Variants in INPP4A observed in about 807,000 individuals in gnomAD.
INPP4A encodes the protein inositol polyphosphate-4-phosphatase type I A.
In INPP4A, 33 loss-of-function variants were observed where a neutral mutation model predicts 119.8. The observed-to-expected ratio is 0.28, with a 90% CI of 0.21 to 0.37. The LOEUF (loss-of-function observed/expected upper bound fraction) is 0.37. INPP4A is among the 10% of genes least tolerant of loss of function. INPP4A has a pLI of 1.00. For missense variants in INPP4A, 956 were observed against 1,289.9 expected (o/e 0.74, Z 3.97); for synonymous variants, 496 against 500.7 (o/e 0.99, Z 0.12).
intron 1 of INPP4A, among the ~76,000 whole-genome samples, chr2:98,518,572 A>G (rs1020572957): frequency 1.3e-5 from 2 of 152,206 alleles, no homozygotes; most frequent in Non-Finnish European, 2.9e-5. Flanking sequence ...TTTTCATTGC[A>G]GCCCCATGAG....
intron 24 of INPP4A, chr2:98,581,874 T>C: frequency 7.1e-7 from 1 of 1,417,136 alleles, no homozygotes; most frequent in Admixed American, 3.1e-5. Flanking sequence ...CCAAGAAATA[T>C]TTCATGCCTT....
In INPP4A at chr2:98,546,784, A is replaced by C; in HGVS notation, c.1163+90A>C. On this transcript the variant is annotated intron_variant, in intron 13 of 24. Transcript: ENST00000409851. This position sits in a 1 kb window ranked among gnomAD's most constrained non-coding sequence, Gnocchi z 4.2. Reference sequence around the variant, plus strand: ...AATAAAATCAAAATATGACCGCAAAAACACCCAGCCATCTGATCTGCTTTT... The same window carrying C: ...AATAAAATCAAAATATGACCGCAAACACACCCAGCCATCTGATCTGCTTTT... The C allele has an allele frequency of 1.2e-6, 1 of 823,630 alleles. No homozygotes were observed. Among genetic ancestry groups the C allele is most frequent in the Non-Finnish European group, 2.0e-6 (1 of 490,304 alleles). The allele number at this position is 823,630 out of a possible 1,614,324, so 51.0% of individuals were successfully genotyped here. A position where few individuals can be genotyped will look rare whatever the true frequency, so the allele number is the denominator to read the frequency against.
chr2:98,575,815 A>G (rs1698324260), intron 23 of INPP4A, among the ~76,000 whole-genome samples: 1 of 152,182 alleles, frequency 6.6e-6, no homozygotes, highest in Admixed American at 6.5e-5. Flanking sequence ...CACTTGGATG[A>G]TGTTTCATTA....
chr2:98,549,718 G>A (rs1419554431), intron 13 of INPP4A, among the ~76,000 whole-genome samples: 1 of 152,096 alleles, frequency 6.6e-6, no homozygotes, highest in Admixed American at 6.5e-5. Flanking sequence ...CTCTGCTGGT[G>A]GCATCTGACA....
intron 16 of INPP4A, among the ~76,000 whole-genome samples, 197 bp from the exon 17 acceptor site, chr2:98,559,266 C>T (rs1695030755): frequency 6.6e-6 from 1 of 152,214 alleles, no homozygotes; most frequent in African/African-American, 2.4e-5. Flanking sequence ...ACTGAGAGGG[C>T]TTGGCTGCCT....
intron 1 of INPP4A, among the ~76,000 whole-genome samples, chr2:98,478,565 G>T (rs943661286): frequency 2.6e-5 from 4 of 152,156 alleles, no homozygotes; most frequent in Non-Finnish European, 5.9e-5. Context: ...TTAACTCTGG[G>T]CACTCCCTCC....
At chr2:98,494,353 C>T (rs1420881574) in intron 1 of INPP4A, among the ~76,000 whole-genome samples, 1 of 152,072 alleles carries the variant, frequency 6.6e-6, no homozygotes, top group Non-Finnish European at 1.5e-5. Context: ...CTTTGTCAGT[C>T]CAGCTAGTTT....
chr2:98,544,893 C>T (rs1035038086), intron 11 of INPP4A, among the ~76,000 whole-genome samples: 2 of 152,198 alleles, frequency 1.3e-5, no homozygotes, highest in Admixed American at 6.5e-5. Context: ...GAGTATGTCA[C>T]TAGGAGAAAC....
chr2:98,510,911 CAG>C (rs1253215695), intron 1 of INPP4A, among the ~76,000 whole-genome samples: 1 of 152,202 alleles, frequency 6.6e-6, no homozygotes, highest in Non-Finnish European at 1.5e-5. Context: ...TCATCACTGG[CAG>C]ACAGTAGGGC....
At chr2:98,494,083 CTCCT>C (rs1212739089) in intron 1 of INPP4A, among the ~76,000 whole-genome samples, 1 of 152,230 alleles carries the variant, frequency 6.6e-6, no homozygotes, top group Non-Finnish European at 1.5e-5. Context: ...CCAGAACCTG[CTCCT>C]TCCTTCTCTT....
intron 1 of INPP4A, among the ~76,000 whole-genome samples, chr2:98,480,952 C>T (rs1244502643): frequency 2.6e-5 from 4 of 152,220 alleles, no homozygotes; most frequent in Non-Finnish European, 5.9e-5. Flanking sequence ...GCTGCACGTG[C>T]TCCATTCTCA....
chr2:98,451,981 T>C (rs774972615), intron 1 of INPP4A, among the ~76,000 whole-genome samples: 10 of 152,184 alleles, frequency 6.6e-5, no homozygotes, highest in Admixed American at 3.3e-4. Context: ...CATCAGCATG[T>C]CAGCAGTTTC....
At chr2:98,503,260 T>A (rs922407325) in intron 1 of INPP4A, among the ~76,000 whole-genome samples, 2 of 152,208 alleles carry the variant, frequency 1.3e-5, no homozygotes, top group African/African-American at 4.8e-5. Flanking sequence ...CCAGGACTTT[T>A]GAGATTGGTT....
chr2:98,564,868 A>C (rs1371806575), intron 19 of INPP4A, 105 bp downstream of exon 19: 1 of 1,337,652 alleles, frequency 7.5e-7, no homozygotes, highest in East Asian at 2.5e-5. Flanking sequence ...GCTTATTGAA[A>C]TAAATCCAAA....
chr2:98,536,961 T>A (rs112396652), intron 7 of INPP4A, among the ~76,000 whole-genome samples: 3,397 of 152,252 alleles, frequency 0.022, 140 homozygotes, highest in African/African-American at 0.077. Context: ...GAACCATCTT[T>A]GGTAAAATGA....
intron 1 of INPP4A, among the ~76,000 whole-genome samples, chr2:98,447,750 A>G (rs777230462): frequency 6.6e-6 from 1 of 152,054 alleles, no homozygotes; most frequent in African/African-American, 2.4e-5. Flanking sequence ...TAAATACTTC[A>G]CTGTGTATTT....
In INPP4A at chr2:98,566,508, G is replaced by A. The variant is rs1559090113; in HGVS notation, c.2420+339G>A. Among the ~76,000 whole-genome samples the A allele has an allele frequency of 6.6e-6, 1 of 152,198 alleles. No homozygotes were observed. Among genetic ancestry groups the A allele is most frequent in the Non-Finnish European group, 1.5e-5 (1 of 68,034 alleles). On this transcript the variant is annotated intron_variant, in intron 21 of 24. Coordinates refer to ENST00000409851, the MANE Select transcript of INPP4A (RefSeq NM_001134225.2). The surrounding 1 kb of genome is among the most constrained non-coding windows in gnomAD (Gnocchi z 4.2). ...GGCTTCTTGGAGTTGCAGGGGATGGGGCTTTGAATTGTGAATAGGAGTTGG... is the reference window on the plus strand; with the variant it reads ...GGCTTCTTGGAGTTGCAGGGGATGGAGCTTTGAATTGTGAATAGGAGTTGG...
intron 4 of INPP4A, among the ~76,000 whole-genome samples, chr2:98,532,838 T>C (rs1421041891): frequency 6.6e-6 from 1 of 152,144 alleles, no homozygotes; most frequent in East Asian, 1.9e-4. Context: ...TGACTGTAAA[T>C]GAACAATGGC....
In INPP4A at chr2:98,570,142, G is replaced by C. The variant is rs1311394106; in HGVS notation, c.2518+1474G>C. Among the ~76,000 whole-genome samples, 1 of 152,172 alleles carries C rather than the reference G, an allele frequency of 6.6e-6. No homozygotes were observed. Among genetic ancestry groups the C allele is most frequent in the Non-Finnish European group, 1.5e-5 (1 of 68,028 alleles). ...GGGCCGTCCCGCTGATGAGAGAGGC[G>C]CAGGGCTACAGGGGACCGACAGCGA... is the stretch of plus-strand genomic sequence containing the variant. On this transcript the variant is annotated intron_variant, in intron 22 of 24. Coordinates refer to ENST00000409851, the MANE Select transcript of INPP4A (RefSeq NM_001134225.2). The surrounding 1 kb of genome is among the most constrained non-coding windows in gnomAD (Gnocchi z 4.3).
Sources: allele counts gnomAD v4.1 joint callset (sites outside exome capture counted in the v4.1 genomes callset), GRCh38; gene constraint gnomAD v4.1.1; non-coding constraint Gnocchi (gnomAD v3.1); transcripts MANE v1.5; gene names NCBI Gene and HGNC (gene_info 2026-07-23, HGNC 2026-07-21).